Variants in RABGAP1L observed in about 807,000 individuals in gnomAD.
RABGAP1L encodes the protein rab GTPase-activating protein 1-like.
A neutral mutation model predicts 137.7 loss-of-function variants in RABGAP1L; 63 were observed. That is an observed-to-expected ratio of 0.46 (90% CI 0.37 to 0.56). RABGAP1L has a LOEUF of 0.56. RABGAP1L is among the 20% of genes least tolerant of loss of function. The pLI, the probability that RABGAP1L is intolerant of heterozygous loss-of-function variation, is 0.00. For synonymous variants in RABGAP1L, 431 were observed against 433.7 expected, an observed-to-expected ratio of 0.99 and a Z score of 0.08; for missense variants, 1,095 against 1,244.0, an observed-to-expected ratio of 0.88 and a Z score of 1.80.
At chr1:174,405,824 A>G (rs1485082685) in intron 13 of RABGAP1L, among the ~76,000 whole-genome samples, 1 of 152,002 alleles carries the variant, frequency 6.6e-6, no homozygotes, top group East Asian at 1.9e-4. Context: ...CAAAAAATAC[A>G]AAAATTAACT....
chr1:174,454,347 A>G (rs948522383), intron 13 of RABGAP1L, among the ~76,000 whole-genome samples: 3 of 152,176 alleles, frequency 2.0e-5, no homozygotes, highest in African/African-American at 4.8e-5. Flanking sequence ...AAATAACACT[A>G]TCCAATAATG....
At chr1:174,669,608 T>C (rs1285795630) in intron 14 of RABGAP1L, among the ~76,000 whole-genome samples, 1 of 152,220 alleles carries the variant, frequency 6.6e-6, no homozygotes, top group Non-Finnish European at 1.5e-5. Context: ...GGTAGTTTCA[T>C]AGTTTCAAGT....
At chr1:174,989,336 T>C (rs1299388136) in intron 25 of RABGAP1L, among the ~76,000 whole-genome samples, 1 of 152,250 alleles carries the variant, frequency 6.6e-6, no homozygotes, top group East Asian at 1.9e-4. Context: ...TGGCTTCTGA[T>C]GGACTCTTCT....
At chr1:174,749,979 C>T (rs780637508) in intron 17 of RABGAP1L, among the ~76,000 whole-genome samples, 12 of 152,112 alleles carry the variant, frequency 7.9e-5, no homozygotes, top group South Asian at 2.1e-4. Context: ...ACACCATTCT[C>T]CTGCTTCGGC....
intron 13 of RABGAP1L, among the ~76,000 whole-genome samples, chr1:174,518,192 C>T (rs938415734): frequency 2.0e-5 from 3 of 152,146 alleles, no homozygotes; most frequent in African/African-American, 7.2e-5. Flanking sequence ...AAGGTCCAGG[C>T]AAGAGTATGT....
chr1:174,682,124 T>A (rs2148476240), intron 14 of RABGAP1L, among the ~76,000 whole-genome samples: 1 of 152,086 alleles, frequency 6.6e-6, no homozygotes, highest in Non-Finnish European at 1.5e-5. Flanking sequence ...CTACTAAAAC[T>A]ATGAAAATTA....
At chr1:174,542,046 A>G (rs529273149) in intron 13 of RABGAP1L, among the ~76,000 whole-genome samples, 158 of 152,290 alleles carry the variant, frequency 1.0e-3, no homozygotes, top group Non-Finnish European at 1.9e-3. Context: ...ATATTGGTCT[A>G]AAATTCTCTT....
At chr1:174,507,959 G>A (rs1364705315) in intron 13 of RABGAP1L, among the ~76,000 whole-genome samples, 3 of 152,070 alleles carry the variant, frequency 2.0e-5, no homozygotes, top group African/African-American at 4.8e-5. Flanking sequence ...GCCCAGTAAA[G>A]GCATGCTTTA....
chr1:174,891,121 A>T (rs148896368), intron 19 of RABGAP1L, among the ~76,000 whole-genome samples: 1 of 152,390 alleles, frequency 6.6e-6, no homozygotes, highest in Non-Finnish European at 1.5e-5. Flanking sequence ...GCCTATTTAA[A>T]GGTGGAAACT....
intron 7 of RABGAP1L, among the ~76,000 whole-genome samples, chr1:174,270,774 T>G (rs1213913317): frequency 1.3e-5 from 2 of 152,110 alleles, no homozygotes; most frequent in African/African-American, 4.8e-5. Flanking sequence ...GTTAACTTAT[T>G]ATGGTGACTA....
chr1:174,271,672 C>T (rs1354293859), intron 7 of RABGAP1L, among the ~76,000 whole-genome samples: 2 of 151,892 alleles, frequency 1.3e-5, no homozygotes, highest in African/African-American at 4.8e-5. Flanking sequence ...TTAATAATAG[C>T]CTAACAAACA....
intron 19 of RABGAP1L, among the ~76,000 whole-genome samples, chr1:174,931,990 GT>G (rs532860564): frequency 0.12 from 8,293 of 69,640 alleles, 84 homozygotes; most frequent in Middle Eastern, 0.17. Context: ...TGCTTTTTTG[GT>G]TTTTTTTTTT....
intron 10 of RABGAP1L, among the ~76,000 whole-genome samples, chr1:174,298,000 A>G (rs1252052331): frequency 6.6e-6 from 1 of 152,184 alleles, no homozygotes; most frequent in East Asian, 1.9e-4. Flanking sequence ...CGTGTCCCAT[A>G]GTACAGAGAC....
At chr1:174,925,860 T>A (rs1223876419) in intron 19 of RABGAP1L, among the ~76,000 whole-genome samples, 1 of 30,602 alleles carries the variant, frequency 3.3e-5, no homozygotes, top group Admixed American at 2.7e-4. Flanking sequence ...TTGTTGTTGG[T>A]TTTTTTTTTG....
chr1:174,621,922 C>T (rs983218564), intron 13 of RABGAP1L, among the ~76,000 whole-genome samples: 6 of 152,142 alleles, frequency 3.9e-5, no homozygotes, highest in Non-Finnish European at 8.8e-5. Context: ...AGGCAACCTA[C>T]AAAATGGGAG....
intron 19 of RABGAP1L, among the ~76,000 whole-genome samples, chr1:174,818,480 A>G (rs913157242): frequency 2.0e-5 from 3 of 152,224 alleles, no homozygotes; most frequent in South Asian, 2.1e-4. Flanking sequence ...ATAAAAGCCA[A>G]TGATTCAAGG....
chr1:174,718,643 G>T (rs1329475946), intron 17 of RABGAP1L, among the ~76,000 whole-genome samples: 1 of 152,034 alleles, frequency 6.6e-6, no homozygotes, highest in Non-Finnish European at 1.5e-5. Flanking sequence ...GCAATAAAAC[G>T]TTCCTCCAGC....
chr1:174,327,846 A>G (rs1398582118), intron 11 of RABGAP1L, among the ~76,000 whole-genome samples: 4 of 151,368 alleles, frequency 2.6e-5, no homozygotes, highest in Admixed American at 2.6e-4. Context: ...AGAAATTCCT[A>G]TATTTCTATC....
chr1:174,783,543 A>G (rs1687192947), intron 18 of RABGAP1L, among the ~76,000 whole-genome samples: 1 of 152,148 alleles, frequency 6.6e-6, no homozygotes, highest in African/African-American at 2.4e-5. Context: ...TGACTTCATT[A>G]TTCAAGTTAA....
Sources: allele counts gnomAD v4.1 joint callset (sites outside exome capture counted in the v4.1 genomes callset), GRCh38; gene constraint gnomAD v4.1.1; transcripts MANE v1.5; gene names NCBI Gene and HGNC (gene_info 2026-07-23, HGNC 2026-07-21).